The following EPHB1 variants were observed in gnomAD, a reference collection of about 807,000 sequenced individuals.
The protein encoded by EPHB1 is EPH receptor B1, also known as ephrin type-B receptor 1.
EPHB1 carries 30 observed loss-of-function variants against 94.4 expected under a neutral mutation model. The ratio of observed to expected loss-of-function variants is 0.32; its 90% CI spans 0.24 to 0.43. The LOEUF (loss-of-function observed/expected upper bound fraction) is 0.43, where lower values mean the gene tolerates loss of function less well. EPHB1 is among the 20% of genes least tolerant of loss of function. EPHB1 has a pLI of 1.00. For missense variants in EPHB1, 1,055 were observed against 1,308.3 expected (o/e 0.81, Z 2.99); for synonymous variants, 522 against 489.1 (o/e 1.07, Z -0.89).
Position 135,201,585 on chromosome 3 carries a change from A to G in EPHB1, c.2242A>G (p.Arg748Gly), listed in dbSNP as rs1306930564. ...MNYVHRDLAA[R>G]NILVNSNLVC... ...TTATGTGCATCGGGACCTGGCTGCT[A>G]GGAACATTCTGGTCAACAGTAACCT... Residue 748 changes from arginine to glycine, a missense_variant, in exon 12 of 16, where the codon AGG becomes GGG. By Grantham distance (125) the Arg-to-Gly change is moderately radical. Coordinates refer to ENST00000398015, the MANE Select transcript of EPHB1 (RefSeq NM_004441.5). The G allele has an allele frequency of 6.2e-7, 1 of 1,613,956 alleles. No individual in the cohort carries two copies. The highest frequency in any genetic ancestry group is 8.5e-7 in the Non-Finnish European group (1 of 1,180,022).
chr3:134,873,020 A>G (rs2037534697), intron 1 of EPHB1, among the ~76,000 whole-genome samples: 2 of 152,220 alleles, frequency 1.3e-5, no homozygotes, highest in Non-Finnish European at 2.9e-5. Flanking sequence ...GCCACAATTC[A>G]CACAGTGACA....
chr3:134,854,995 T>C (rs1475426127), intron 1 of EPHB1, among the ~76,000 whole-genome samples: 1 of 152,210 alleles, frequency 6.6e-6, no homozygotes. Context: ...TACCTGTCTC[T>C]CCTATACATG....
At chr3:134,796,575 G>T (rs1274374979) in intron 1 of EPHB1, among the ~76,000 whole-genome samples, 1 of 152,250 alleles carries the variant, frequency 6.6e-6, no homozygotes. Flanking sequence ...GGGAGCCTGG[G>T]CGCTCGGTAG....
Position 134,813,206 on chromosome 3 carries a change from C to T in EPHB1, c.58+17517C>T, listed in dbSNP as rs550231259. Among the ~76,000 whole-genome samples the T allele has an allele frequency of 3.3e-5, 5 of 152,230 alleles. No individual in the cohort carries two copies. The East Asian group carries it at 5.8e-4, about 18-fold the overall frequency. ...TGGGCTTTTGTTAGGGGAGTGTGTGCGCCTCAGCAGGAAGCCATAATTCAC... is the reference window on the plus strand; with the variant it reads ...TGGGCTTTTGTTAGGGGAGTGTGTGTGCCTCAGCAGGAAGCCATAATTCAC... On this transcript the variant is annotated intron_variant, in intron 1 of 15. Coordinates refer to ENST00000398015, the MANE Select transcript of EPHB1 (RefSeq NM_004441.5).
chr3:134,948,473 A>AATG (rs1196254196), intron 2 of EPHB1, among the ~76,000 whole-genome samples: 1 of 152,162 alleles, frequency 6.6e-6, no homozygotes, highest in African/African-American at 2.4e-5. Context: ...GAAAAAAAAA[A>AATG]TAGGCAAGCA....
chr3:134,811,844 C>T (rs929570815), intron 1 of EPHB1, among the ~76,000 whole-genome samples: 2 of 152,154 alleles, frequency 1.3e-5, no homozygotes, highest in African/African-American at 4.8e-5. Context: ...CCTAAACAGT[C>T]GGAAAGGATG....
At chr3:135,024,627 C>G (rs775974660) in intron 3 of EPHB1, among the ~76,000 whole-genome samples, 4 of 152,058 alleles carry the variant, frequency 2.6e-5, no homozygotes, top group Non-Finnish European at 5.9e-5. Flanking sequence ...TGTAGTGGGC[C>G]CACTTTGGAA....
chr3:135,013,522 G>C (rs1225857742), intron 3 of EPHB1, among the ~76,000 whole-genome samples: 2 of 152,192 alleles, frequency 1.3e-5, no homozygotes, highest in Non-Finnish European at 2.9e-5. Flanking sequence ...ACAATCTTAG[G>C]GTGAGAGCAG....
At chr3:134,989,493 G>A (rs185691922) in intron 3 of EPHB1, among the ~76,000 whole-genome samples, 96 of 120,310 alleles carry the variant, frequency 8.0e-4, no homozygotes, top group South Asian at 2.0e-3. Context: ...ACGCACGCGC[G>A]CGTGCACACA....
chr3:134,820,152 C>G (rs2036352745), intron 1 of EPHB1, among the ~76,000 whole-genome samples: 1 of 151,492 alleles, frequency 6.6e-6, no homozygotes, highest in South Asian at 2.1e-4. Flanking sequence ...TACCTTCCTA[C>G]CTATCTCAGC....
At chr3:135,037,826 G>C (rs746995754) in intron 3 of EPHB1, among the ~76,000 whole-genome samples, 1 of 152,168 alleles carries the variant, frequency 6.6e-6, no homozygotes. Flanking sequence ...TCTTTGAGTG[G>C]TGAATTTTAT....
At chr3:135,246,086 G>C (rs1943917058) in intron 13 of EPHB1, among the ~76,000 whole-genome samples, 2 of 152,096 alleles carry the variant, frequency 1.3e-5, no homozygotes, top group African/African-American at 4.8e-5. Context: ...ATTAGTATCT[G>C]GGGCTCTAGC....
chr3:135,073,532 T>G (rs1336076855), intron 3 of EPHB1, among the ~76,000 whole-genome samples: 1 of 152,156 alleles, frequency 6.6e-6, no homozygotes, highest in African/African-American at 2.4e-5. Flanking sequence ...TCAGAGCATA[T>G]CTCTAAGAGA....
chr3:135,212,919 C>T (rs932414312), intron 12 of EPHB1, among the ~76,000 whole-genome samples: 1 of 152,220 alleles, frequency 6.6e-6, no homozygotes. Context: ...GAACATTCAG[C>T]TTATCCCCCT....
At chr3:134,938,538 A>G (rs1012815289) in intron 2 of EPHB1, among the ~76,000 whole-genome samples, 2 of 152,226 alleles carry the variant, frequency 1.3e-5, no homozygotes, top group African/African-American at 4.8e-5. Context: ...ACTTACACAC[A>G]CACGCCCAAG....
chr3:134,930,394 C>T (rs1010225974), intron 2 of EPHB1, among the ~76,000 whole-genome samples: 1 of 152,218 alleles, frequency 6.6e-6, no homozygotes, highest in Non-Finnish European at 1.5e-5. Context: ...AAATCAGGGG[C>T]TACCTGGTGA....
chr3:135,068,197 C>T (rs560116184), intron 3 of EPHB1, among the ~76,000 whole-genome samples: 2 of 152,254 alleles, frequency 1.3e-5, no homozygotes, highest in South Asian at 4.1e-4. Context: ...CTGTCCAAGA[C>T]AGAGCTGCGA....
At chr3:135,066,114 T>A (rs1937577292) in intron 3 of EPHB1, among the ~76,000 whole-genome samples, 1 of 152,208 alleles carries the variant, frequency 6.6e-6, no homozygotes, top group Non-Finnish European at 1.5e-5. Context: ...GGTGCTTTTG[T>A]CTCACAGCTC....
intron 1 of EPHB1, among the ~76,000 whole-genome samples, chr3:134,919,351 C>A (rs2038631343): frequency 6.6e-6 from 1 of 152,196 alleles, no homozygotes; most frequent in Admixed American, 6.5e-5. Context: ...TCTCTTTGAA[C>A]TTCTGTGGCT....
Sources: allele counts gnomAD v4.1 joint callset (sites outside exome capture counted in the v4.1 genomes callset), GRCh38; gene constraint gnomAD v4.1.1; transcripts MANE v1.5; gene names NCBI Gene and HGNC (gene_info 2026-07-23, HGNC 2026-07-21).